The following PAGE2B variants were observed in gnomAD, a reference collection of about 807,000 sequenced individuals.
The protein encoded by PAGE2B is putative G antigen family E member 3.
PAGE2B carries 5 observed loss-of-function variants against 7.6 expected under a neutral mutation model. The observed-to-expected ratio is 0.66, with a 90% CI of 0.34 to 1.38. The LOEUF (loss-of-function observed/expected upper bound fraction) is 1.38, where lower values mean the gene tolerates loss of function less well. Ranked by LOEUF, PAGE2B falls within the 40% of genes most tolerant of loss-of-function variation. The probability of loss-of-function intolerance (pLI) is 0.04; values close to 1 mark genes in which losing one functional copy is unlikely to be tolerated. For synonymous variants in PAGE2B, 29 were observed against 26.7 expected (o/e 1.09, Z -0.27); for missense variants, 70 against 78.4 (o/e 0.89, Z 0.41).
chrX:55,045,519 C>G, the PAGE2B span, among the ~76,000 whole-genome samples: 1 of 110,752 alleles, frequency 9.0e-6, no homozygotes, highest in Non-Finnish European at 1.9e-5. Flanking sequence ...TCAGTCTTAT[C>G]ATCTGAAAAA....
chrX:55,057,522 T>C, the PAGE2B span, among the ~76,000 whole-genome samples: 3 of 111,433 alleles, frequency 2.7e-5, no homozygotes, highest in African/African-American at 6.5e-5. Flanking sequence ...GCTGGCCCCA[T>C]GCTGTCAGTC....
chrX:55,038,276 ATTTAC>A, the PAGE2B span, among the ~76,000 whole-genome samples: 2 of 111,466 alleles, frequency 1.8e-5, no homozygotes, highest in Non-Finnish European at 3.8e-5. Context: ...GATGCGTGAT[ATTTAC>A]TTTATGCCTA....
chrX:55,039,775 G>A, the PAGE2B span, among the ~76,000 whole-genome samples: 1 of 111,854 alleles, frequency 8.9e-6, no homozygotes, highest in African/African-American at 3.2e-5. Context: ...AGAGAACTGA[G>A]TCACTGCCTA....
At chrX:55,030,009 A>G in the PAGE2B span, among the ~76,000 whole-genome samples, 1 of 92,823 alleles carries the variant, frequency 1.1e-5, no homozygotes, top group South Asian at 6.0e-4. Context: ...CTGGAAGGGA[A>G]GTGGTAATTT....
At chrX:55,061,386 CCCT>C in the PAGE2B span, among the ~76,000 whole-genome samples, 1 of 110,766 alleles carries the variant, frequency 9.0e-6, no homozygotes, top group African/African-American at 3.3e-5. Context: ...TCAATCCTCA[CCCT>C]CCTCCTGCTC....
upstream of PAGE2B, among the ~76,000 whole-genome samples, chrX:55,073,719 G>T (rs779245752): frequency 8.9e-6 from 1 of 111,825 alleles, no homozygotes; most frequent in African/African-American, 3.3e-5. Context: ...GCAGTGTTTT[G>T]TAGTTCTCAT....
chrX:55,051,120 A>G, the PAGE2B span, among the ~76,000 whole-genome samples: 1 of 111,437 alleles, frequency 9.0e-6, no homozygotes, highest in Non-Finnish European at 1.9e-5. Flanking sequence ...TTTCTTTAAG[A>G]ATGTTGAATA....
chrX:55,028,214 G>C, the PAGE2B span, among the ~76,000 whole-genome samples: 1 of 111,006 alleles, frequency 9.0e-6, no homozygotes, highest in African/African-American at 3.3e-5. Context: ...AAAGTTGCCA[G>C]AGTTTATCGC....
At chrX:55,071,381 C>T (rs1212480133), upstream of PAGE2B, among the ~76,000 whole-genome samples, 2 of 111,734 alleles carry the variant, frequency 1.8e-5, no homozygotes, top group Non-Finnish European at 3.8e-5. Flanking sequence ...TTGGCCCCCA[C>T]TCTCTTCTGG....
the PAGE2B span, among the ~76,000 whole-genome samples, chrX:55,063,192 T>A: frequency 9.0e-6 from 1 of 111,535 alleles, no homozygotes; most frequent in African/African-American, 3.3e-5. Flanking sequence ...TTTTGGGTAG[T>A]ATGGACATTT....
At chrX:55,038,767 T>G in the PAGE2B span, among the ~76,000 whole-genome samples, 1 of 111,947 alleles carries the variant, frequency 8.9e-6, no homozygotes, top group African/African-American at 3.2e-5. Flanking sequence ...TATTTAGTAT[T>G]TTAAAATTAG....
At chrX:55,071,376 C>A (rs1258173264), upstream of PAGE2B, among the ~76,000 whole-genome samples, 1 of 111,284 alleles carries the variant, frequency 9.0e-6, no homozygotes, top group East Asian at 2.8e-4. Context: ...GAATATTGGC[C>A]CCCACTCTCT....
the PAGE2B span, among the ~76,000 whole-genome samples, chrX:55,056,923 C>T: frequency 9.0e-6 from 1 of 111,555 alleles, no homozygotes; most frequent in East Asian, 2.8e-4. Flanking sequence ...AAGAAAGATA[C>T]CTGTTCTGCC....
At chrX:55,072,905 T>C (rs1198893573), upstream of PAGE2B, among the ~76,000 whole-genome samples, 1 of 111,521 alleles carries the variant, frequency 9.0e-6, no homozygotes, top group Non-Finnish European at 1.9e-5. Context: ...TAATAGTGGA[T>C]GCCCCTCCTC....
At chrX:55,048,493 T>C in the PAGE2B span, among the ~76,000 whole-genome samples, 1 of 111,749 alleles carries the variant, frequency 8.9e-6, no homozygotes, top group Non-Finnish European at 1.9e-5. Context: ...AGCAGTGGTT[T>C]GTAGTTCTCT....
the PAGE2B span, among the ~76,000 whole-genome samples, chrX:55,050,019 A>G: frequency 4.7e-4 from 52 of 111,656 alleles, no homozygotes; most frequent in Non-Finnish European, 7.9e-4. Flanking sequence ...CTTTGTTCTC[A>G]TTGGTTTCAA....
chrX:55,051,463 G>A, the PAGE2B span, among the ~76,000 whole-genome samples: 36 of 111,415 alleles, frequency 3.2e-4, no homozygotes, highest in Non-Finnish European at 5.8e-4. Flanking sequence ...ACATAGATTT[G>A]GTCTTTTCAC....
intron 3 of PAGE2B, among the ~76,000 whole-genome samples, chrX:55,077,073 T>C (rs1333296129): frequency 1.8e-5 from 2 of 111,731 alleles, no homozygotes; most frequent in African/African-American, 3.3e-5. Context: ...TACCACGTAA[T>C]ATACTAAGTG....
chrX:55,051,631 A>C, the PAGE2B span, among the ~76,000 whole-genome samples: 1 of 112,105 alleles, frequency 8.9e-6, no homozygotes, highest in Admixed American at 9.4e-5. Context: ...TTCGTCACGT[A>C]GTTCTCATGC....
Sources: gnomAD v4.1 joint callset for allele counts (sites outside exome capture counted in the v4.1 genomes callset) on GRCh38, gnomAD v4.1.1 for gene constraint, MANE v1.5 for transcripts, NCBI Gene and HGNC (gene_info 2026-07-23, HGNC 2026-07-21) for gene names.